MARCHF10: variants seen among roughly 807,000 people sequenced by gnomAD.
The protein encoded by MARCHF10 is membrane associated ring-CH-type finger 10, also known as probable E3 ubiquitin-protein ligase MARCHF10.
Under a neutral mutation model 76.2 loss-of-function variants are expected in MARCHF10, and 64 were observed. That is an observed-to-expected ratio of 0.84 (90% CI 0.69 to 1.03). The LOEUF is 1.03. Ranked by LOEUF, MARCHF10 falls within the 50% of genes least tolerant of loss-of-function variation. The pLI is 0.00. For synonymous variants in MARCHF10, 340 were observed against 357.5 expected, an observed-to-expected ratio of 0.95 and a Z score of 0.55; for missense variants, 875 against 958.0, an observed-to-expected ratio of 0.91 and a Z score of 1.14.
rs116036655 is a variant in MARCHF10 at position 62,733,274 on chromosome 17, C to T, written c.1937+2657G>A. ...AAAAGTTTGAGACCAGCCTGGGCAACGTAGTGAGACCCCATCTCTACAAAA... is the reference window on the plus strand; with the variant it reads ...AAAAGTTTGAGACCAGCCTGGGCAATGTAGTGAGACCCCATCTCTACAAAA... On this transcript the variant is annotated intron_variant, in intron 6 of 10. Coordinates refer to ENST00000311269, the MANE Select transcript of MARCHF10 (RefSeq NM_152598.4). Among the ~76,000 whole-genome samples the T allele has an allele frequency of 4.5e-3, 691 of 152,128 alleles. 2 individuals are homozygous for T. Among genetic ancestry groups the T allele is most frequent in the African/African-American group, 0.014 (585 of 41,498 alleles).
chr17:62,717,860 A>G (rs572080502), intron 8 of MARCHF10, among the ~76,000 whole-genome samples: 4 of 152,110 alleles, frequency 2.6e-5, no homozygotes, highest in Non-Finnish European at 5.9e-5. Context: ...CCTGGCTGAT[A>G]CAATTACTGT....
chr17:62,702,200 A>T (rs2089283017), intron 10 of MARCHF10, among the ~76,000 whole-genome samples: 1 of 151,842 alleles, frequency 6.6e-6, no homozygotes, highest in Non-Finnish European at 1.5e-5. Flanking sequence ...TAGGACGGGG[A>T]AAGGGAGGGA....
chr17:62,802,819 A>T (rs2093098606), intron 1 of MARCHF10, among the ~76,000 whole-genome samples: 1 of 152,164 alleles, frequency 6.6e-6, no homozygotes. Context: ...TGAGGAAGGA[A>T]CAGCCCCGGA....
At position 62,712,051 on chromosome 17, in the gene MARCHF10, T is replaced by C. The variant is rs887369310; in HGVS notation, c.2215-707A>G. On this transcript the variant is annotated intron_variant, in intron 8 of 10. Transcript: ENST00000311269. The surrounding 1 kb of genome is among the most constrained non-coding windows in gnomAD (Gnocchi z 4.2). ...ATGGCACTTCTCTGTCCTTAGCACT[T>C]GGGCTTTGCTGCCAAGAGTGGCTGT... 6.6e-6 allele frequency among the ~76,000 whole-genome samples: 1 copy of C among 152,246 alleles called. No homozygotes were observed. Among genetic ancestry groups the C allele is most frequent in the Non-Finnish European group, 1.5e-5 (1 of 68,044 alleles).
chr17:62,746,690 G>A (rs894841066), intron 4 of MARCHF10, among the ~76,000 whole-genome samples: 1 of 152,178 alleles, frequency 6.6e-6, no homozygotes, highest in Non-Finnish European at 1.5e-5. Flanking sequence ...GAAGGGGCAG[G>A]CGTGGGGCTC....
At chr17:62,733,567 C>T (rs181434471) in intron 6 of MARCHF10, among the ~76,000 whole-genome samples, 226 of 152,270 alleles carry the variant, frequency 1.5e-3, no homozygotes, top group Non-Finnish European at 2.6e-3. Context: ...CACCAGCCCA[C>T]CAGCCCAGCT....
At chr17:62,730,206 A>C (rs1301668068) in intron 6 of MARCHF10, among the ~76,000 whole-genome samples, 4 of 152,144 alleles carry the variant, frequency 2.6e-5, no homozygotes, top group East Asian at 3.9e-4. Flanking sequence ...TGAAAAAAAA[A>C]CCACACAACA....
intron 8 of MARCHF10, among the ~76,000 whole-genome samples, chr17:62,715,852 T>A (rs1258118270): frequency 6.6e-6 from 1 of 152,192 alleles, no homozygotes; most frequent in East Asian, 1.9e-4. Flanking sequence ...GTGAGCAGCA[T>A]CTGCCCTGCT....
chr17:62,714,978 C>T (rs1003164075), intron 8 of MARCHF10, among the ~76,000 whole-genome samples: 1 of 152,192 alleles, frequency 6.6e-6, no homozygotes, highest in Non-Finnish European at 1.5e-5. Context: ...AACTCCTGAC[C>T]TCAAATGATC....
intron 2 of MARCHF10, among the ~76,000 whole-genome samples, chr17:62,796,437 T>G: frequency 6.6e-6 from 1 of 152,380 alleles, no homozygotes; most frequent in East Asian, 1.9e-4. Flanking sequence ...CAATGATATT[T>G]AGAACATCTT....
intron 5 of MARCHF10, 129 bp downstream of exon 5, chr17:62,744,247 A>G (rs1203483537): frequency 6.7e-6 from 7 of 1,050,590 alleles, no homozygotes; most frequent in Non-Finnish European, 9.6e-6. Context: ...AAGCTGTTTC[A>G]TTTTAAGGTA....
At chr17:62,705,404 A>G (rs2089516108) in intron 10 of MARCHF10, 135 bp downstream of exon 10, 3 of 1,558,952 alleles carry the variant, frequency 1.9e-6, no homozygotes, top group East Asian at 2.3e-5. Context: ...TGACTTTCCC[A>G]AGCTTTGCGG....
chr17:62,803,884 A>T (rs1228825253), intron 1 of MARCHF10, among the ~76,000 whole-genome samples: 1 of 152,178 alleles, frequency 6.6e-6, no homozygotes, highest in Admixed American at 6.5e-5. Context: ...CAATTAACTC[A>T]TTCAATCTTC....
At chr17:62,771,145 T>C (rs2092438159) in intron 3 of MARCHF10, among the ~76,000 whole-genome samples, 1 of 152,134 alleles carries the variant, frequency 6.6e-6, no homozygotes, top group South Asian at 2.1e-4. Context: ...TGGCTGTAGA[T>C]CATGTAATCT....
In MARCHF10 at chr17:62,788,498, G is replaced by C. The variant is rs1263283072; in HGVS notation, c.192C>G (p.Ser64Arg). Reference sequence around the variant, plus strand: ...TTCATACCTGTTTGGAAGATGACCTGCTAGAAAACCGGGATCTCTCAAAAC... The same window carrying C: ...TTCATACCTGTTTGGAAGATGACCTCCTAGAAAACCGGGATCTCTCAAAAC... ...ETSFERSRFSSRSSSKQSSSE... is the reference protein window; with the variant it reads ...ETSFERSRFSRRSSSKQSSSE... The change falls in exon 3 of 11, where the codon AGC becomes AGG. Residue 64 changes from serine to arginine, a missense_variant. Transcript: ENST00000311269. The C allele has an allele frequency of 1.2e-5, 19 of 1,614,002 alleles. No homozygotes were observed. The highest frequency in any genetic ancestry group is 1.6e-5 in the Non-Finnish European group (19 of 1,180,012).
intron 4 of MARCHF10, among the ~76,000 whole-genome samples, chr17:62,745,500 C>T (rs1207968611): frequency 6.6e-6 from 1 of 152,212 alleles, no homozygotes; most frequent in East Asian, 1.9e-4. Context: ...CGCAATGGCC[C>T]TGCCTCCCAA....
At chr17:62,716,948 G>C (rs918504891) in intron 8 of MARCHF10, among the ~76,000 whole-genome samples, 1 of 152,180 alleles carries the variant, frequency 6.6e-6, no homozygotes, top group Non-Finnish European at 1.5e-5. Context: ...GGAAGCGAGG[G>C]GAAGGGACCA....
At chr17:62,775,073 A>G (rs944788424) in intron 3 of MARCHF10, among the ~76,000 whole-genome samples, 2 of 151,684 alleles carry the variant, frequency 1.3e-5, no homozygotes, top group African/African-American at 4.8e-5. Flanking sequence ...AGAAAAAACA[A>G]AAACAAACAA....
rs1321440768 is a variant in MARCHF10, at chr17:62,711,336, G to A, written c.2223C>T (p.Asn741=). ...YQKHQQSQAQ[N]ELMNSGLYLV... ...GGTACAAGCCTGAATTCATCAGCTC[G>A]TTTTGTGCCTACAAATGGAAAAGAA... Residue 741 remains asparagine, a synonymous_variant, in exon 9 of 11, where the codon AAC becomes AAT. Transcript: ENST00000311269. The surrounding 1 kb of genome is among the most constrained non-coding windows in gnomAD (Gnocchi z 4.4). 2 of 1,614,124 alleles carry A rather than the reference G, an allele frequency of 1.2e-6. No homozygotes were observed. Among genetic ancestry groups the A allele is most frequent in the Non-Finnish European group, 8.5e-7 (1 of 1,179,958 alleles).
Sources: gnomAD v4.1 joint callset for allele counts (sites outside exome capture counted in the v4.1 genomes callset) on GRCh38, gnomAD v4.1.1 for gene constraint, Gnocchi (gnomAD v3.1) non-coding constraint, MANE v1.5 for transcripts, NCBI Gene and HGNC (gene_info 2026-07-23, HGNC 2026-07-21) for gene names.